Variants in MLYCD observed in about 807,000 individuals in gnomAD.
The protein encoded by MLYCD is malonyl-CoA decarboxylase, mitochondrial.
A neutral mutation model predicts 35.8 loss-of-function variants in MLYCD; 27 were observed. The ratio of observed to expected loss-of-function variants is 0.75; its 90% CI spans 0.56 to 1.04. The LOEUF is 1.04. Among genes scored for constraint, MLYCD ranks in the 50% least tolerant of loss-of-function variants. The pLI, the probability that MLYCD is intolerant of heterozygous loss-of-function variation, is 0.00. For missense variants in MLYCD, 917 were observed against 665.1 expected, an observed-to-expected ratio of 1.38 and a Z score of -4.17; for synonymous variants, 403 against 302.4, an observed-to-expected ratio of 1.33 and a Z score of -3.45.
rs893221831 is a variant in MLYCD at position 83,909,621 on chromosome 16, T to C, written c.798+1339T>C. Among the ~76,000 whole-genome samples the C allele has an allele frequency of 5.0e-5, 5 of 99,870 alleles. No homozygotes were observed. The Admixed American group carries it at 5.1e-4, about 10-fold the overall frequency. 65.5% of individuals were successfully genotyped at this position (99,870 alleles called of 152,430 possible). On this transcript the variant is annotated intron_variant, in intron 3 of 4. Coordinates refer to ENST00000262430, the MANE Select transcript of MLYCD (RefSeq NM_012213.3). ...CTGTGATTTAGGTGGTGGTGTTGTG[T>C]TTTTTTTTTTTTTTTTTGAAGCGGA...
chr16:83,903,146 G>A (rs1906858145), intron 1 of MLYCD, among the ~76,000 whole-genome samples: 2 of 152,102 alleles, frequency 1.3e-5, no homozygotes, highest in African/African-American at 4.8e-5. Flanking sequence ...CATGGAAAGG[G>A]TTCCTCATGG....
rs1268521171 is a variant in MLYCD, at chr16:83,907,015, T to G, written c.557T>G (p.Leu186Arg). The G allele has an allele frequency of 6.2e-7, 1 of 1,614,066 alleles. No individual in the cohort carries two copies. The highest frequency in any genetic ancestry group is 8.5e-7 in the Non-Finnish European group (1 of 1,180,020). ...ATGAATGGGGTGCTGAAAGGAATGC[T>G]CTCAGAATGGTTTTCCTCCGGGTTC... Reference protein sequence around the residue: ...REMNGVLKGMLSEWFSSGFLN... With the variant: ...REMNGVLKGMRSEWFSSGFLN... The change falls in exon 2 of 5, where the codon CTC becomes CGC. Residue 186 changes from leucine to arginine, a missense_variant. Transcript: ENST00000262430.
chr16:83,912,446 C>A, intron 4 of MLYCD, 79 bp downstream of exon 4: 2 of 1,574,488 alleles, frequency 1.3e-6, no homozygotes, highest in Non-Finnish European at 1.7e-6. Flanking sequence ...GTGTCAGGTG[C>A]CATGAGGGAC....
In MLYCD at chr16:83,915,600, G is replaced by A. The variant is rs552695774; in HGVS notation, c.*111G>A. 10 of 1,539,364 alleles carry A rather than the reference G, an allele frequency of 6.5e-6. No individual in the cohort carries two copies. The highest frequency in any genetic ancestry group is 8.7e-6 in the Non-Finnish European group (10 of 1,149,830). ...TTTCCAAGCAAAGCCAAAGTTGACT[G>A]TGTTCTTGTCCCGCAGCCGGTCCAC... On this transcript the variant is annotated 3_prime_UTR_variant, in exon 5 of 5. Transcript: ENST00000262430.
intron 1 of MLYCD, among the ~76,000 whole-genome samples, chr16:83,903,085 T>C (rs1319073325): frequency 6.6e-6 from 1 of 152,198 alleles, no homozygotes; most frequent in Non-Finnish European, 1.5e-5. Context: ...GGGGAAGGTC[T>C]GAGCGAGGTT....
chr16:83,909,620 G>GTTTTTTTTTTTT (rs1281867257), intron 3 of MLYCD, among the ~76,000 whole-genome samples: 13 of 130,816 alleles, frequency 9.9e-5, no homozygotes, highest in Admixed American at 2.3e-4. Context: ...GTGGTGTTGT[G>GTTTTTTTTTTTT]TTTTTTTTTT....
At chr16:83,909,620 GTTT>G (rs1281867257) in intron 3 of MLYCD, among the ~76,000 whole-genome samples, 125 of 130,798 alleles carry the variant, frequency 9.6e-4, no homozygotes, top group African/African-American at 3.3e-3. Context: ...GTGGTGTTGT[GTTT>G]TTTTTTTTTT....
intron 4 of MLYCD, chr16:83,913,150 G>C (rs1011800171): frequency 5.9e-5 from 9 of 152,620 alleles, no homozygotes; most frequent in Admixed American, 5.9e-4. Flanking sequence ...CGACAGTGTG[G>C]AGTGGGGACG....
At chr16:83,913,570 C>G (rs910882903) in intron 4 of MLYCD, 3 of 152,304 alleles carry the variant, frequency 2.0e-5, no homozygotes, top group African/African-American at 7.2e-5. Context: ...TGGCTCACGC[C>G]TGTAATCCCA....
Position 83,899,560 on chromosome 16 carries a change from G to T in MLYCD, c.416G>T (p.Gly139Val). The stretch of plus-strand genomic sequence containing the variant: ...TACGCGCTGGTGCCGCGCTATCGCG[G>T]CCTCTTCCACCACATCAGCAAGCTG... ...LRYALVPRYR[G>V]LFHHISKLDG... Residue 139 changes from glycine (G) to valine (V), a missense_variant, in exon 1 of 5, where the codon GGC becomes GTC. Coordinates refer to ENST00000262430, the MANE Select transcript of MLYCD (RefSeq NM_012213.3). The T allele has an allele frequency of 4.4e-6, 7 of 1,593,014 alleles. No homozygotes were observed. Among genetic ancestry groups the T allele is most frequent in the Non-Finnish European group, 5.9e-6 (7 of 1,177,652 alleles).
In MLYCD at chr16:83,924,490, TC is replaced by T. The variant is rs1907747641; in HGVS notation, c.*9002del. 1 of 152,164 alleles carries T rather than the reference TC, an allele frequency of 6.6e-6. No homozygotes were observed. The highest frequency in any genetic ancestry group is 1.5e-5 in the Non-Finnish European group (1 of 68,034). The allele number at this position is 152,164 out of a possible 1,614,324, so 9.4% of individuals were successfully genotyped here. A position where few individuals can be genotyped will look rare whatever the true frequency, so the allele number is the denominator to read the frequency against. ...TGAACCCCCGGCTTGTTCTCTCACGTCTGTTGCCGTAAATCTGTCTCCATCG... is the reference window on the plus strand; with the variant it reads ...TGAACCCCCGGCTTGTTCTCTCACGTTGTTGCCGTAAATCTGTCTCCATCG... On this transcript the variant is annotated 3_prime_UTR_variant, in exon 5 of 5. Coordinates refer to ENST00000262430, the MANE Select transcript of MLYCD (RefSeq NM_012213.3).
rs1393473851 is a variant in MLYCD at position 83,915,107 on chromosome 16, C to T, written c.1100C>T (p.Thr367Ile). The T allele has an allele frequency of 3.1e-6, 5 of 1,614,152 alleles. No homozygotes were observed. The African/African-American group carries it at 4.0e-5, about 13-fold the overall frequency. The change falls in exon 5 of 5, where the codon ACA becomes ATA. Residue 367 changes from threonine to isoleucine, a missense_variant. Physicochemically the swap from Thr to Ile is moderately conservative, Grantham distance 89. Transcript: ENST00000262430. Reference protein sequence around the residue: ...DSECKEISEITGGPINETLKL... With the variant: ...DSECKEISEIIGGPINETLKL... ...GAATGTAAGGAAATCTCGGAGATCA[C>T]AGGTGGCCCCATTAACGAGACCCTC... is the stretch of plus-strand genomic sequence containing the variant.
rs1410933582 is a variant in MLYCD at position 83,902,963 on chromosome 16, TG to T, written c.528+3296del. ...TGTGGGTATGAGGATGTGATGTGTC[TG>T]GGGGATGGTGGTTTATAGGCTTTTT... is the stretch of plus-strand genomic sequence containing the variant. On this transcript the variant is annotated intron_variant, in intron 1 of 4. Coordinates refer to ENST00000262430, the MANE Select transcript of MLYCD (RefSeq NM_012213.3). Among the ~76,000 whole-genome samples the T allele has an allele frequency of 2.6e-5, 4 of 152,156 alleles. No homozygotes were observed. In the South Asian group the frequency reaches 6.2e-4, roughly 24 times the overall value.
intron 3 of MLYCD, among the ~76,000 whole-genome samples, chr16:83,909,467 G>C (rs1355198279): frequency 6.6e-6 from 1 of 152,178 alleles, no homozygotes; most frequent in African/African-American, 2.4e-5. Context: ...CTCTTGAGTA[G>C]AAGTTCAGGT....
chr16:83,916,159 A>C lies in MLYCD; in HGVS notation c.*670A>C. ...CATAATGAACTTCACAGTAAAGAAC[A>C]CGTTTGTTCTGTAAAGCATTGAACA... On this transcript the variant is annotated 3_prime_UTR_variant, in exon 5 of 5. Transcript: ENST00000262430. 1.0e-6 allele frequency: 1 copy of C among 991,704 alleles called. No homozygotes were observed. Among genetic ancestry groups the C allele is most frequent in the South Asian group, 4.6e-5 (1 of 21,706 alleles). 61.4% of individuals were successfully genotyped at this position (991,704 alleles called of 1,614,324 possible).
Position 83,915,780 on chromosome 16 carries a change from G to A in MLYCD, c.*291G>A. 7.6e-7 allele frequency: 1 copy of A among 1,312,396 alleles called. No individual in the cohort carries two copies. Among genetic ancestry groups the A allele is most frequent in the Non-Finnish European group, 9.8e-7 (1 of 1,022,534 alleles). 81.3% of individuals were successfully genotyped at this position (1,312,396 alleles called of 1,614,324 possible). A position where few individuals can be genotyped will look rare whatever the true frequency, so the allele number is the denominator to read the frequency against. Reference sequence around the variant, plus strand: ...TTGGCCTGGCTCCCTGCCCGGGGCTGGTGCTGTGGTACCTACATCTTCAGG... The same window carrying A: ...TTGGCCTGGCTCCCTGCCCGGGGCTAGTGCTGTGGTACCTACATCTTCAGG... On this transcript the variant is annotated 3_prime_UTR_variant, in exon 5 of 5. Coordinates refer to ENST00000262430, the MANE Select transcript of MLYCD (RefSeq NM_012213.3).
At chr16:83,903,704 G>C (rs1250835341) in intron 1 of MLYCD, among the ~76,000 whole-genome samples, 5 of 152,176 alleles carry the variant, frequency 3.3e-5, no homozygotes, top group Non-Finnish European at 1.5e-5. Flanking sequence ...CTGCTACTTG[G>C]GAGGTTCAGC....
chr16:83,912,170 C>G, intron 3 of MLYCD, 48 bp from the exon 4 acceptor site: 1 of 1,613,350 alleles, frequency 6.2e-7, no homozygotes, highest in Middle Eastern at 1.6e-4. Flanking sequence ...GCCTCGTGGG[C>G]TGCAGAGCGG....
In MLYCD at chr16:83,899,679, G is replaced by C. The variant is rs1248930381; in HGVS notation, c.528+7G>C. 4 of 1,512,978 alleles carry C rather than the reference G, an allele frequency of 2.6e-6. No homozygotes were observed. 93.7% of individuals were successfully genotyped at this position (1,512,978 alleles called of 1,614,324 possible). ...GGAGGGGCCGGACGTCCGGGTAAGG[G>C]GCCGCCGTCGATCCCCCGGCAGCGC... On this transcript the variant is annotated splice_region_variant and intron_variant, in intron 1 of 4. Coordinates refer to ENST00000262430, the MANE Select transcript of MLYCD (RefSeq NM_012213.3).
Sources: gnomAD v4.1 joint callset for allele counts (sites outside exome capture counted in the v4.1 genomes callset) on GRCh38, gnomAD v4.1.1 for gene constraint, MANE v1.5 for transcripts, NCBI Gene and HGNC (gene_info 2026-07-23, HGNC 2026-07-21) for gene names.